SVIL: variants seen among roughly 807,000 people sequenced by gnomAD.
SVIL encodes the protein supervillin.
SVIL carries 101 observed loss-of-function variants against 240.4 expected under a neutral mutation model. The ratio of observed to expected loss-of-function variants is 0.42; its 90% CI spans 0.36 to 0.50. The LOEUF (loss-of-function observed/expected upper bound fraction) is 0.50. Ranked by LOEUF, SVIL falls within the 20% of genes least tolerant of loss-of-function variation. The pLI is 0.01. For synonymous variants in SVIL, 999 were observed against 1,100.0 expected, an observed-to-expected ratio of 0.91 and a Z score of 1.82; for missense variants, 2,512 against 2,818.7, an observed-to-expected ratio of 0.89 and a Z score of 2.46.
At chr10:29,633,557 G>A (rs1013825710) in intron 1 of SVIL, among the ~76,000 whole-genome samples, 5 of 152,026 alleles carry the variant, frequency 3.3e-5, no homozygotes, top group Admixed American at 1.3e-4. Context: ...AAGAACCCTC[G>A]CAGTATTCAC....
intron 6 of SVIL, among the ~76,000 whole-genome samples, chr10:29,537,246 G>A (rs1293642279): frequency 6.6e-6 from 1 of 152,166 alleles, no homozygotes; most frequent in Non-Finnish European, 1.5e-5. Flanking sequence ...GGTCCATTCT[G>A]CTGATATTTA....
chr10:29,553,748 C>G (rs937696993), intron 5 of SVIL, among the ~76,000 whole-genome samples: 4 of 152,198 alleles, frequency 2.6e-5, no homozygotes, highest in African/African-American at 9.6e-5. Flanking sequence ...AGCTGAGTCA[C>G]GTGCACTCAA....
chr10:29,708,084 C>T (rs900185681), intron 1 of SVIL, among the ~76,000 whole-genome samples: 14 of 150,882 alleles, frequency 9.3e-5, no homozygotes, highest in Non-Finnish European at 1.6e-4. Flanking sequence ...GGTGAAACCC[C>T]GTCTCCACTA....
At chr10:29,613,280 A>T (rs1957316617) in intron 1 of SVIL, among the ~76,000 whole-genome samples, 1 of 151,930 alleles carries the variant, frequency 6.6e-6, no homozygotes, top group Non-Finnish European at 1.5e-5. Flanking sequence ...TTGAGTAAAT[A>T]GGTCTGGGTG....
At chr10:29,674,131 G>A (rs1960020871) in intron 2 of SVIL, among the ~76,000 whole-genome samples, 1 of 151,912 alleles carries the variant, frequency 6.6e-6, no homozygotes, top group African/African-American at 2.4e-5. Flanking sequence ...AGGAGTTTGA[G>A]ACCAGTCTAG....
intron 3 of SVIL, among the ~76,000 whole-genome samples, chr10:29,562,257 G>T (rs899691649): frequency 3.3e-5 from 5 of 152,222 alleles, no homozygotes; most frequent in African/African-American, 1.2e-4. Context: ...CAGTTACAAA[G>T]ACCAATCAAT....
At chr10:29,717,740 C>T (rs977711748) in intron 1 of SVIL, among the ~76,000 whole-genome samples, 7 of 152,062 alleles carry the variant, frequency 4.6e-5, no homozygotes, top group South Asian at 2.1e-4. Flanking sequence ...AAGTTGAATG[C>T]GAATATCGTG....
intron 1 of SVIL, among the ~76,000 whole-genome samples, chr10:29,610,948 C>A (rs1202268117): frequency 1.3e-5 from 2 of 152,206 alleles, no homozygotes; most frequent in East Asian, 3.9e-4. Flanking sequence ...CCAAAGCACA[C>A]TGGCCCCGTA....
chr10:29,709,917 G>T (rs1589556958), intron 1 of SVIL, among the ~76,000 whole-genome samples: 1 of 152,140 alleles, frequency 6.6e-6, no homozygotes, highest in Non-Finnish European at 1.5e-5. Flanking sequence ...CCCAGACTGT[G>T]CTGCCTCAAT....
intron 3 of SVIL, among the ~76,000 whole-genome samples, chr10:29,557,376 G>A (rs886188346): frequency 1.3e-5 from 2 of 152,088 alleles, no homozygotes; most frequent in African/African-American, 2.4e-5. Context: ...GGGATTGCAG[G>A]TGTGAGCCAC....
At chr10:29,509,324 G>GAGAGAGAGAGA (rs1564540768) in intron 17 of SVIL, among the ~76,000 whole-genome samples, 3 of 79,776 alleles carry the variant, frequency 3.8e-5, no homozygotes, top group Non-Finnish European at 8.2e-5. Flanking sequence ...GGAGAAGGAG[G>GAGAGAGAGAGA]GGGAGGGAGA....
At chr10:29,608,765 C>T (rs947587020) in intron 1 of SVIL, among the ~76,000 whole-genome samples, 3 of 152,200 alleles carry the variant, frequency 2.0e-5, no homozygotes, top group African/African-American at 7.2e-5. Flanking sequence ...GCCTGCGTGC[C>T]ATGGATGGCA....
chr10:29,567,620 A>T (rs538283312), intron 2 of SVIL, among the ~76,000 whole-genome samples: 2 of 152,328 alleles, frequency 1.3e-5, no homozygotes, highest in Non-Finnish European at 2.9e-5. Flanking sequence ...TTCATATTGC[A>T]TGCTTTTCCT....
chr10:29,580,515 A>C (rs1415358518), intron 1 of SVIL, among the ~76,000 whole-genome samples: 1 of 152,226 alleles, frequency 6.6e-6, no homozygotes, highest in East Asian at 1.9e-4. Context: ...CTCCGTATTG[A>C]AAAGGGATTC....
At chr10:29,531,589 T>C (rs1951372851) in intron 9 of SVIL, among the ~76,000 whole-genome samples, 1 of 152,200 alleles carries the variant, frequency 6.6e-6, no homozygotes, top group African/African-American at 2.4e-5. Context: ...TATGCAATAG[T>C]ATATGACACT....
At chr10:29,602,497 T>A (rs74403874) in intron 1 of SVIL, among the ~76,000 whole-genome samples, 30 of 152,122 alleles carry the variant, frequency 2.0e-4, no homozygotes, top group South Asian at 2.1e-4. Context: ...CCAGAATGAT[T>A]TGGGGGAAGA....
intron 3 of SVIL, among the ~76,000 whole-genome samples, chr10:29,647,794 C>G (rs1329432853): frequency 6.6e-6 from 1 of 151,962 alleles, no homozygotes; most frequent in Non-Finnish European, 1.5e-5. Flanking sequence ...CAAAAGGTCA[C>G]GAAGAAAGAG....
At chr10:29,704,285 G>A (rs145591258) in intron 1 of SVIL, among the ~76,000 whole-genome samples, 20 of 152,152 alleles carry the variant, frequency 1.3e-4, no homozygotes, top group African/African-American at 4.8e-4. Flanking sequence ...TTGCAGTGTC[G>A]TGTGTGTGTG....
chr10:29,566,619 A>G (rs1319811594), intron 2 of SVIL, among the ~76,000 whole-genome samples: 2 of 152,236 alleles, frequency 1.3e-5, no homozygotes, highest in Admixed American at 1.3e-4. Flanking sequence ...CAGGTAAGAC[A>G]TGCTTGTAAA....
Sources: gnomAD v4.1 joint callset for allele counts (sites outside exome capture counted in the v4.1 genomes callset) on GRCh38, gnomAD v4.1.1 for gene constraint, MANE v1.5 for transcripts, NCBI Gene and HGNC (gene_info 2026-07-23, HGNC 2026-07-21) for gene names.